LRRC4C: variants seen among roughly 807,000 people sequenced by gnomAD.
The protein encoded by LRRC4C is leucine-rich repeat-containing protein 4C.
LRRC4C carries 5 observed loss-of-function variants against 33.6 expected under a neutral mutation model. That is an observed-to-expected ratio of 0.15 (90% CI 0.08 to 0.31). The LOEUF is 0.31. Among genes scored for constraint, LRRC4C ranks in the 10% least tolerant of loss-of-function variants. The pLI is 1.00. For synonymous variants in LRRC4C, 329 were observed against 302.0 expected, an observed-to-expected ratio of 1.09 and a Z score of -0.93; for missense variants, 560 against 796.7, an observed-to-expected ratio of 0.70 and a Z score of 3.58.
At chr11:41,195,018 A>G (rs931784538) in intron 1 of LRRC4C, among the ~76,000 whole-genome samples, 2 of 145,758 alleles carry the variant, frequency 1.4e-5, no homozygotes, top group Admixed American at 6.9e-5. Context: ...TCACTAAGAT[A>G]AAAAAAAAAA....
chr11:40,572,516 G>GT (rs1178423530), intron 3 of LRRC4C, among the ~76,000 whole-genome samples: 1 of 152,184 alleles, frequency 6.6e-6, no homozygotes, highest in African/African-American at 2.4e-5. Flanking sequence ...ATAGCTTGAG[G>GT]TTTACAGCTG....
At chr11:41,093,556 A>G (rs902378731) in intron 1 of LRRC4C, among the ~76,000 whole-genome samples, 2 of 151,834 alleles carry the variant, frequency 1.3e-5, no homozygotes, top group African/African-American at 4.8e-5. Context: ...CTTCTAGATT[A>G]TTTCTCTTTA....
At chr11:40,359,921 A>G (rs574237723) in intron 3 of LRRC4C, among the ~76,000 whole-genome samples, 1 of 152,290 alleles carries the variant, frequency 6.6e-6, no homozygotes, top group South Asian at 2.1e-4. Flanking sequence ...AAAAAAGTGA[A>G]ATCCACACCT....
At chr11:40,961,413 C>T (rs370603785) in intron 1 of LRRC4C, among the ~76,000 whole-genome samples, 2 of 151,812 alleles carry the variant, frequency 1.3e-5, no homozygotes, top group South Asian at 2.1e-4. Context: ...GTTCCAATCT[C>T]TCTTAGGCTT....
chr11:40,909,565 T>A (rs11036150), intron 2 of LRRC4C, among the ~76,000 whole-genome samples: 19,294 of 150,060 alleles, frequency 0.13, 1,909 homozygotes, highest in African/African-American at 0.26. Flanking sequence ...AGAGAACAAC[T>A]TTTTTTTCCC....
intron 1 of LRRC4C, among the ~76,000 whole-genome samples, chr11:41,298,927 A>G (rs1485154594): frequency 6.6e-6 from 1 of 152,176 alleles, no homozygotes; most frequent in African/African-American, 2.4e-5. Context: ...CTCCTTTAAG[A>G]TAATGGCTCC....
chr11:41,206,400 A>G (rs375469691), intron 1 of LRRC4C, among the ~76,000 whole-genome samples: 5 of 152,146 alleles, frequency 3.3e-5, no homozygotes, highest in Non-Finnish European at 7.4e-5. Flanking sequence ...TAATCAAAAA[A>G]GTCTAATATT....
chr11:40,301,280 C>T (rs556080971), intron 4 of LRRC4C, among the ~76,000 whole-genome samples: 65 of 152,266 alleles, frequency 4.3e-4, no homozygotes, highest in African/African-American at 1.6e-3. Flanking sequence ...TAAATAGTGA[C>T]CCAATCACTT....
intron 2 of LRRC4C, among the ~76,000 whole-genome samples, chr11:40,796,143 T>TAAAC (rs1950817212): frequency 6.6e-6 from 1 of 152,206 alleles, no homozygotes; most frequent in Non-Finnish European, 1.5e-5. Flanking sequence ...TATGTTCACC[T>TAAAC]AAACAGTAAA....
At chr11:41,107,897 A>G (rs557822465) in intron 1 of LRRC4C, among the ~76,000 whole-genome samples, 3 of 151,096 alleles carry the variant, frequency 2.0e-5, no homozygotes, top group Non-Finnish European at 4.4e-5. Flanking sequence ...AGATTGCACC[A>G]TTGCACTCCA....
chr11:40,869,606 C>G lies in LRRC4C; in HGVS notation c.-407+64029G>C, dbSNP rs918495784. 2.6e-5 allele frequency among the ~76,000 whole-genome samples: 4 copies of G among 151,992 alleles called. No individual in the cohort carries two copies. In the South Asian group the frequency reaches 8.3e-4, roughly 31 times the overall value. On this transcript the variant is annotated intron_variant, in intron 2 of 6. Transcript: ENST00000528697. ...TATATGACCTTCTATGGACATTTGG[C>G]TGGTAAGAGAACACTTCAAGTAAGC...
intron 3 of LRRC4C, among the ~76,000 whole-genome samples, chr11:40,559,489 G>A (rs1957464233): frequency 6.6e-6 from 1 of 152,060 alleles, no homozygotes; most frequent in African/African-American, 2.4e-5. Flanking sequence ...CTGACCATAT[G>A]TGTCTTTATG....
At chr11:40,740,505 A>G (rs902408130) in intron 2 of LRRC4C, among the ~76,000 whole-genome samples, 1 of 152,004 alleles carries the variant, frequency 6.6e-6, no homozygotes, top group Non-Finnish European at 1.5e-5. Flanking sequence ...TTTTCTTACT[A>G]ATGGGTTGTT....
intron 1 of LRRC4C, among the ~76,000 whole-genome samples, chr11:40,956,003 G>A (rs1958938649): frequency 6.6e-6 from 1 of 151,826 alleles, no homozygotes; most frequent in Non-Finnish European, 1.5e-5. Context: ...CATATTGACA[G>A]AGCCCTTAAG....
At chr11:40,710,972 GCTCTGTGGGTGTGGGA>G (rs1161087236) in intron 2 of LRRC4C, among the ~76,000 whole-genome samples, 1 of 152,086 alleles carries the variant, frequency 6.6e-6, no homozygotes, top group Non-Finnish European at 1.5e-5. Context: ...AGTGGGCAAG[GCTCTGTGGGTGTGGGA>G]CCCGCTGAGC....
At chr11:40,877,149 GA>G (rs35875651) in intron 2 of LRRC4C, among the ~76,000 whole-genome samples, 110,889 of 151,768 alleles carry the variant, frequency 0.73, 45,715 homozygotes, top group East Asian at 1. Flanking sequence ...TGGCTAGCCA[GA>G]ATCTCTCTGT....
At chr11:41,148,931 A>G (rs1645133162) in intron 1 of LRRC4C, among the ~76,000 whole-genome samples, 1 of 152,170 alleles carries the variant, frequency 6.6e-6, no homozygotes, top group Admixed American at 6.5e-5. Flanking sequence ...CACCAGCTAA[A>G]TCTGCATCCC....
At chr11:40,586,335 T>G (rs1370273719) in intron 3 of LRRC4C, among the ~76,000 whole-genome samples, 1 of 149,470 alleles carries the variant, frequency 6.7e-6, no homozygotes, top group Non-Finnish European at 1.5e-5. Context: ...GTTTTTTTCT[T>G]GTAAATTTGT....
intron 3 of LRRC4C, among the ~76,000 whole-genome samples, chr11:40,533,187 G>T (rs1285692404): frequency 6.6e-6 from 1 of 152,160 alleles, no homozygotes; most frequent in Non-Finnish European, 1.5e-5. Context: ...AATGGAGACT[G>T]AAATAGTGGT....
Sources: allele counts gnomAD v4.1 joint callset (sites outside exome capture counted in the v4.1 genomes callset), GRCh38; gene constraint gnomAD v4.1.1; transcripts MANE v1.5; gene names NCBI Gene and HGNC (gene_info 2026-07-23, HGNC 2026-07-21).